Variants in ANKRD62 observed in about 807,000 individuals in gnomAD.
The protein encoded by ANKRD62 is ankyrin repeat domain 62.
A neutral mutation model predicts 98.8 loss-of-function variants in ANKRD62; 61 were observed. That is an observed-to-expected ratio of 0.62 (90% CI 0.50 to 0.76). The LOEUF (loss-of-function observed/expected upper bound fraction) is 0.76, where lower values mean the gene tolerates loss of function less well. ANKRD62 is among the 30% of genes least tolerant of loss of function. The pLI is 0.00. For missense variants in ANKRD62, 933 were observed against 1,082.9 expected, an observed-to-expected ratio of 0.86 and a Z score of 1.94; for synonymous variants, 341 against 367.9, an observed-to-expected ratio of 0.93 and a Z score of 0.84.
the ANKRD62 span, among the ~76,000 whole-genome samples, chr18:12,162,481 A>G: frequency 6.6e-6 from 1 of 151,794 alleles, no homozygotes; most frequent in African/African-American, 2.4e-5. Context: ...TTATCTGTTC[A>G]CTTTGTTGTT....
At chr18:12,139,381 A>G in the ANKRD62 span, among the ~76,000 whole-genome samples, 7 of 152,282 alleles carry the variant, frequency 4.6e-5, no homozygotes, top group South Asian at 1.5e-3. Context: ...ACGGTGGCTC[A>G]TGCCTGTAAT....
At chr18:12,138,845 A>T in the ANKRD62 span, among the ~76,000 whole-genome samples, 1 of 152,130 alleles carries the variant, frequency 6.6e-6, no homozygotes, top group African/African-American at 2.4e-5. Context: ...AGTCTGTTTT[A>T]TCAGAGAGTA....
At chr18:12,159,222 TGAG>T in the ANKRD62 span, among the ~76,000 whole-genome samples, 6 of 152,114 alleles carry the variant, frequency 3.9e-5, no homozygotes, top group Admixed American at 1.3e-4. Flanking sequence ...TTGGAAGAGG[TGAG>T]GAGAATAGTC....
chr18:12,095,704 A>G, intron 3 of ANKRD62, 94 bp downstream of exon 3: 1 of 1,145,544 alleles, frequency 8.7e-7, no homozygotes. Flanking sequence ...TGAAACTAGA[A>G]GGAAATATAT....
the ANKRD62 span, among the ~76,000 whole-genome samples, chr18:12,136,958 T>C: frequency 2.0e-5 from 3 of 152,172 alleles, no homozygotes; most frequent in South Asian, 2.1e-4. Flanking sequence ...GCTGAGATGA[T>C]GGGGTTTTCT....
chr18:12,132,747 ATGT>A (rs1910024073), downstream of ANKRD62, among the ~76,000 whole-genome samples: 1 of 152,038 alleles, frequency 6.6e-6, no homozygotes, highest in Admixed American at 6.6e-5. Flanking sequence ...TATGGTTTTT[ATGT>A]TGTTAATGTA....
At chr18:12,101,872 AG>A in intron 6 of ANKRD62, 1 of 648,468 alleles carries the variant, frequency 1.5e-6, no homozygotes, top group Non-Finnish European at 2.8e-6. Context: ...GATTAAGAGA[AG>A]AAGGCTGTCC....
chr18:12,169,044 G>A, the ANKRD62 span, among the ~76,000 whole-genome samples: 6 of 152,170 alleles, frequency 3.9e-5, no homozygotes, highest in African/African-American at 1.4e-4. Flanking sequence ...CTGAGACGAC[G>A]AGGTTTTCTA....
chr18:12,137,800 C>G, the ANKRD62 span, among the ~76,000 whole-genome samples: 2 of 152,108 alleles, frequency 1.3e-5, no homozygotes, highest in Non-Finnish European at 2.9e-5. Context: ...AGGAATTTAT[C>G]TATTTCTTCT....
the ANKRD62 span, among the ~76,000 whole-genome samples, chr18:12,163,335 T>C: frequency 6.6e-6 from 1 of 152,058 alleles, no homozygotes; most frequent in Non-Finnish European, 1.5e-5. Flanking sequence ...TGCTACGGAG[T>C]TTTGTATATT....
At chr18:12,110,745 T>A (rs1909520260) in intron 8 of ANKRD62, among the ~76,000 whole-genome samples, 1 of 152,234 alleles carries the variant, frequency 6.6e-6, no homozygotes, top group Non-Finnish European at 1.5e-5. Context: ...TTAGATCTCA[T>A]TTTATTTAAC....
At chr18:12,135,690 C>T in the ANKRD62 span, among the ~76,000 whole-genome samples, 11 of 152,062 alleles carry the variant, frequency 7.2e-5, 1 homozygote, top group South Asian at 1.0e-3. Flanking sequence ...TTCTCCACAT[C>T]CTCTCCAGCA....
the ANKRD62 span, among the ~76,000 whole-genome samples, chr18:12,180,901 G>A: frequency 4.8e-5 from 7 of 145,010 alleles, no homozygotes; most frequent in East Asian, 4.4e-4. Context: ...CCATTAACTC[G>A]TCATTTAACA....
the ANKRD62 span, among the ~76,000 whole-genome samples, chr18:12,136,560 G>GT: frequency 6.6e-6 from 1 of 152,092 alleles, no homozygotes; most frequent in African/African-American, 2.4e-5. Flanking sequence ...CTTTAAGGTA[G>GT]TTTTTTCCAA....
At chr18:12,145,932 CT>C in the ANKRD62 span, among the ~76,000 whole-genome samples, 1 of 152,156 alleles carries the variant, frequency 6.6e-6, no homozygotes, top group African/African-American at 2.4e-5. Flanking sequence ...TTTGTAGGAC[CT>C]CCCAAATGGG....
intron 9 of ANKRD62, 72 bp from the exon 10 acceptor site, chr18:12,115,321 C>T: frequency 7.4e-7 from 1 of 1,358,160 alleles, no homozygotes; most frequent in Non-Finnish European, 9.7e-7. Flanking sequence ...CGGATAATTC[C>T]CACTGGTGTA....
the ANKRD62 span, among the ~76,000 whole-genome samples, chr18:12,173,568 A>G: frequency 6.6e-6 from 1 of 152,116 alleles, no homozygotes; most frequent in Non-Finnish European, 1.5e-5. Context: ...AGACTTGTTT[A>G]TGTGGTTGCT....
At chr18:12,150,267 A>G in the ANKRD62 span, among the ~76,000 whole-genome samples, 6 of 152,184 alleles carry the variant, frequency 3.9e-5, no homozygotes, top group African/African-American at 9.6e-5. Flanking sequence ...AAAACAACCA[A>G]AAGACATGAA....
chr18:12,161,167 G>A, the ANKRD62 span, among the ~76,000 whole-genome samples: 2 of 152,080 alleles, frequency 1.3e-5, no homozygotes, highest in African/African-American at 2.4e-5. Context: ...ATGCACTCAT[G>A]TTACCATCTG....
Sources: gnomAD v4.1 joint callset for allele counts (sites outside exome capture counted in the v4.1 genomes callset) on GRCh38, gnomAD v4.1.1 for gene constraint, MANE v1.5 for transcripts, NCBI Gene and HGNC (gene_info 2026-07-23, HGNC 2026-07-21) for gene names.